Variants in TRPM3 observed in about 807,000 individuals in gnomAD.
The protein encoded by TRPM3 is long transient receptor potential channel 3.
In TRPM3, 77 loss-of-function variants were observed where a neutral mutation model predicts 181.2. That is an observed-to-expected ratio of 0.42 (90% CI 0.35 to 0.51). TRPM3 has a LOEUF of 0.51. Ranked by LOEUF, TRPM3 falls within the 20% of genes least tolerant of loss-of-function variation. The probability of loss-of-function intolerance (pLI) is 0.01; values close to 1 mark genes in which losing one functional copy is unlikely to be tolerated. For synonymous variants in TRPM3, 745 were observed against 796.4 expected (o/e 0.94, Z 1.09); for missense variants, 1,759 against 2,196.7 (o/e 0.80, Z 3.98).
At chr9:71,353,883 A>G (rs1438200497) in intron 1 of TRPM3, among the ~76,000 whole-genome samples, 1 of 152,226 alleles carries the variant, frequency 6.6e-6, no homozygotes, top group Non-Finnish European at 1.5e-5. Flanking sequence ...AGGAGTTTAG[A>G]AAACATCTGG....
chr9:71,019,754 C>T (rs546563974), intron 1 of TRPM3, among the ~76,000 whole-genome samples: 4 of 152,096 alleles, frequency 2.6e-5, no homozygotes, highest in East Asian at 3.9e-4. Flanking sequence ...AATTTAAAGG[C>T]CCACAAATAG....
At chr9:71,196,380 A>G (rs557311905) in intron 1 of TRPM3, among the ~76,000 whole-genome samples, 4 of 151,936 alleles carry the variant, frequency 2.6e-5, no homozygotes, top group African/African-American at 9.6e-5. Context: ...AATCTACTCA[A>G]TTTTCAAAAG....
chr9:70,898,678 G>A (rs142589990), intron 1 of TRPM3, among the ~76,000 whole-genome samples: 5,696 of 147,672 alleles, frequency 0.039, 159 homozygotes, highest in Non-Finnish European at 0.059. Context: ...AACCCGGGAG[G>A]TAGAGGTTGC....
intron 1 of TRPM3, among the ~76,000 whole-genome samples, chr9:71,275,514 G>A (rs1459314562): frequency 1.3e-5 from 2 of 152,112 alleles, no homozygotes; most frequent in African/African-American, 2.4e-5. Context: ...ACATGTATGT[G>A]TGCGTGTGTG....
intron 1 of TRPM3, among the ~76,000 whole-genome samples, chr9:71,245,836 C>A (rs2082005056): frequency 6.6e-6 from 1 of 152,068 alleles, no homozygotes; most frequent in Non-Finnish European, 1.5e-5. Flanking sequence ...ATGTCAAAGA[C>A]ACAGAGTTTG....
intron 1 of TRPM3, among the ~76,000 whole-genome samples, chr9:71,360,091 T>C (rs1291050521): frequency 6.6e-6 from 1 of 152,144 alleles, no homozygotes; most frequent in Non-Finnish European, 1.5e-5. Context: ...TTAGTTATTA[T>C]TATTTTCATC....
intron 3 of TRPM3, among the ~76,000 whole-genome samples, chr9:70,859,000 G>T (rs2095457594): frequency 6.6e-6 from 1 of 151,938 alleles, no homozygotes; most frequent in South Asian, 2.1e-4. Context: ...CTCTGTCTTG[G>T]GCTGGCAAAA....
At position 70,531,582 on chromosome 9, in the gene TRPM3, C is replaced by G. The variant is rs1411293599; in HGVS notation, c.*4371G>C. The G allele has an allele frequency of 6.6e-6, 1 of 152,080 alleles. No individual in the cohort carries two copies. 9.4% of individuals were successfully genotyped at this position (152,080 alleles called of 1,614,324 possible). A position where few individuals can be genotyped will look rare whatever the true frequency, so the allele number is the denominator to read the frequency against. On this transcript the variant is annotated 3_prime_UTR_variant, in exon 26 of 26. Transcript: ENST00000677713. Reference sequence around the variant, plus strand: ...AGTGAGTTATAATGCAATATCTAGGCCAAATATATAACCACCTACACACTA... The same window carrying G: ...AGTGAGTTATAATGCAATATCTAGGGCAAATATATAACCACCTACACACTA...
At chr9:71,027,093 G>C (rs1361820807) in intron 1 of TRPM3, among the ~76,000 whole-genome samples, 1 of 152,154 alleles carries the variant, frequency 6.6e-6, no homozygotes, top group Non-Finnish European at 1.5e-5. Flanking sequence ...CAGTCTGGGA[G>C]CACCTCAGCC....
chr9:70,616,511 ATTT>A (rs5898153), intron 17 of TRPM3, among the ~76,000 whole-genome samples: 6 of 125,880 alleles, frequency 4.8e-5, no homozygotes, highest in Non-Finnish European at 6.7e-5. Context: ...GTCCACTGGC[ATTT>A]TTTTTTTTTT....
chr9:71,299,670 CAT>C (rs1164451163), intron 1 of TRPM3, among the ~76,000 whole-genome samples: 14 of 152,094 alleles, frequency 9.2e-5, no homozygotes, highest in Admixed American at 3.9e-4. Context: ...TCTCAGTTCT[CAT>C]AAAAATCAAA....
chr9:70,574,905 T>C (rs1010516492), intron 22 of TRPM3, among the ~76,000 whole-genome samples: 4 of 152,034 alleles, frequency 2.6e-5, no homozygotes, highest in Admixed American at 6.6e-5. Context: ...GGCATAGTTG[T>C]TTCAGTGAGC....
intron 1 of TRPM3, among the ~76,000 whole-genome samples, chr9:71,409,520 T>C (rs746988624): frequency 2.6e-5 from 4 of 152,188 alleles, no homozygotes; most frequent in Non-Finnish European, 5.9e-5. Context: ...AGAAGGCCAT[T>C]ACATAATGGT....
chr9:71,309,920 T>G (rs1399799238), intron 1 of TRPM3, among the ~76,000 whole-genome samples: 2 of 152,086 alleles, frequency 1.3e-5, no homozygotes, highest in African/African-American at 2.4e-5. Flanking sequence ...TTATTCTTCA[T>G]CCCATAAACT....
chr9:71,405,406 C>T (rs957832231), intron 1 of TRPM3, among the ~76,000 whole-genome samples: 29 of 152,190 alleles, frequency 1.9e-4, no homozygotes, highest in African/African-American at 6.7e-4. Context: ...CTAAACATAT[C>T]CTCCTCCTAC....
chr9:71,398,205 A>G (rs1462703419), intron 1 of TRPM3, among the ~76,000 whole-genome samples: 1 of 152,186 alleles, frequency 6.6e-6, no homozygotes, highest in Admixed American at 6.5e-5. Flanking sequence ...CTCCTTTGAA[A>G]AGATATTTTT....
intron 1 of TRPM3, among the ~76,000 whole-genome samples, chr9:71,344,013 G>GTTAGATTAGA (rs78208290): frequency 0.11 from 16,613 of 150,048 alleles, 1,088 homozygotes; most frequent in African/African-American, 0.17. Flanking sequence ...ATTATTCCAT[G>GTTAGATTAGA]TTAGATTAGA....
chr9:70,639,343 A>AGATTCACTTTTGG, intron 10 of TRPM3, 149 bp from the exon 11 acceptor site: 1 of 831,548 alleles, frequency 1.2e-6, no homozygotes, highest in Non-Finnish European at 1.8e-6. Context: ...GACTGTTCAC[A>AGATTCACTTTTGG]GATTCACTTT....
intron 1 of TRPM3, among the ~76,000 whole-genome samples, chr9:71,294,181 G>A (rs995348252): frequency 2.0e-5 from 3 of 151,916 alleles, no homozygotes; most frequent in Non-Finnish European, 4.4e-5. Flanking sequence ...TTTATCAAGA[G>A]GAACCATGAA....
Sources: gnomAD v4.1 joint callset for allele counts (sites outside exome capture counted in the v4.1 genomes callset) on GRCh38, gnomAD v4.1.1 for gene constraint, MANE v1.5 for transcripts, NCBI Gene and HGNC (gene_info 2026-07-23, HGNC 2026-07-21) for gene names.